The following MTUS2 variants were observed in gnomAD, a reference collection of about 807,000 sequenced individuals.
MTUS2 encodes microtubule-associated tumor suppressor candidate 2.
In MTUS2, 40 loss-of-function variants were observed where a neutral mutation model predicts 114.1. The observed-to-expected ratio is 0.35, with a 90% CI of 0.27 to 0.46. MTUS2 has a LOEUF of 0.46. Ranked by LOEUF, MTUS2 falls within the 20% of genes least tolerant of loss-of-function variation. The pLI is 1.00. For missense variants in MTUS2, 1,679 were observed against 1,705.4 expected, an observed-to-expected ratio of 0.98 and a Z score of 0.27; for synonymous variants, 688 against 672.0, an observed-to-expected ratio of 1.02 and a Z score of -0.37.
chr13:29,194,411 A>C (rs1355254608), intron 5 of MTUS2, among the ~76,000 whole-genome samples: 2 of 150,718 alleles, frequency 1.3e-5, no homozygotes, highest in African/African-American at 4.9e-5. Flanking sequence ...AAAAACAAAC[A>C]ACCCCATCAA....
chr13:28,897,127 A>G (rs1228420394), intron 2 of MTUS2, among the ~76,000 whole-genome samples: 3 of 152,190 alleles, frequency 2.0e-5, no homozygotes, highest in East Asian at 3.9e-4. Flanking sequence ...CCTGCAGAAT[A>G]GGAGAAAATT....
intron 4 of MTUS2, among the ~76,000 whole-genome samples, chr13:29,084,531 C>T (rs1397548513): frequency 6.7e-6 from 1 of 148,854 alleles, no homozygotes; most frequent in East Asian, 2.0e-4. Context: ...TCCCCTCTCC[C>T]CCCCTTCTTT....
intron 2 of MTUS2, among the ~76,000 whole-genome samples, chr13:28,910,174 C>A (rs1240329888): frequency 6.6e-6 from 1 of 152,068 alleles, no homozygotes; most frequent in Non-Finnish European, 1.5e-5. Context: ...TCCCTCCATC[C>A]CACCCGTTAC....
At chr13:29,076,969 T>G (rs1418756622) in intron 4 of MTUS2, among the ~76,000 whole-genome samples, 1 of 152,228 alleles carries the variant, frequency 6.6e-6, no homozygotes, top group Non-Finnish European at 1.5e-5. Flanking sequence ...ATGATAAGCA[T>G]TTTAGATGCA....
At chr13:29,189,388 A>AT (rs1488135899) in intron 5 of MTUS2, among the ~76,000 whole-genome samples, 1 of 152,142 alleles carries the variant, frequency 6.6e-6, no homozygotes, top group East Asian at 1.9e-4. Context: ...TCATGGAGTG[A>AT]TATGCTCCCA....
intron 6 of MTUS2, among the ~76,000 whole-genome samples, chr13:29,286,865 A>G (rs141247468): frequency 6.6e-6 from 1 of 152,050 alleles, no homozygotes; most frequent in Non-Finnish European, 1.5e-5. Flanking sequence ...TAATTTTTGT[A>G]TTTTTAGTAA....
intron 7 of MTUS2, among the ~76,000 whole-genome samples, chr13:29,347,660 C>G (rs1207092367): frequency 1.3e-5 from 2 of 152,146 alleles, no homozygotes; most frequent in Admixed American, 6.5e-5. Flanking sequence ...AAGTATAACA[C>G]TAATTACCCA....
chr13:29,503,180 G>T lies in MTUS2; in HGVS notation c.4084G>T (p.Ala1362Ser). The T allele has an allele frequency of 6.2e-7, 1 of 1,613,988 alleles. No homozygotes were observed. ...RGSSSGPSSP[A>S]RVSTTPR ...CTCCTCCTCGGGGCCCTCCTCTCCG[G>T]CCAGAGTCAGCACAACACCCAGATG... Residue 1362 changes from alanine to serine, a missense_variant, in exon 16 of 16, where the codon GCC (alanine) becomes TCC (serine). Ala to Ser is a moderately conservative substitution (Grantham distance 99). Coordinates refer to ENST00000612955, the MANE Select transcript of MTUS2 (RefSeq NM_001033602.4).
At chr13:29,275,474 AT>A (rs1299411309) in intron 5 of MTUS2, among the ~76,000 whole-genome samples, 1 of 152,078 alleles carries the variant, frequency 6.6e-6, no homozygotes, top group African/African-American at 2.4e-5. Flanking sequence ...TATTTATTCT[AT>A]TTTTTGTACC....
intron 1 of MTUS2, among the ~76,000 whole-genome samples, chr13:28,828,128 T>TGAGGG (rs1874399928): frequency 6.6e-6 from 1 of 152,148 alleles, no homozygotes; most frequent in Non-Finnish European, 1.5e-5. Context: ...AGACCTCCCC[T>TGAGGG]TGGGAATGCA....
intron 6 of MTUS2, among the ~76,000 whole-genome samples, chr13:29,283,995 G>A (rs914773129): frequency 6.6e-6 from 1 of 152,158 alleles, no homozygotes; most frequent in African/African-American, 2.4e-5. Flanking sequence ...AGAGGAAGAG[G>A]AGTTTGGCAG....
chr13:29,127,515 A>G (rs1891570986), intron 5 of MTUS2, among the ~76,000 whole-genome samples: 1 of 152,198 alleles, frequency 6.6e-6, no homozygotes, highest in African/African-American at 2.4e-5. Flanking sequence ...TTCCCTGAAG[A>G]GAAAGAAATT....
At chr13:29,308,934 C>G (rs534282170) in intron 6 of MTUS2, among the ~76,000 whole-genome samples, 7 of 135,026 alleles carry the variant, frequency 5.2e-5, no homozygotes, top group African/African-American at 1.9e-4. Context: ...GACAAAGGAG[C>G]ACTTTTGCAT....
At chr13:28,855,946 A>G (rs1446044849) in intron 2 of MTUS2, among the ~76,000 whole-genome samples, 4 of 152,024 alleles carry the variant, frequency 2.6e-5, no homozygotes, top group Admixed American at 2.6e-4. Context: ...TTGTTTCTTG[A>G]CTTTAATAAT....
At position 29,452,574 on chromosome 13, in the gene MTUS2, A is replaced by ATG. The variant is rs56367128; in HGVS notation, c.3184+12557_3184+12558dup. 7.7e-4 allele frequency among the ~76,000 whole-genome samples: 100 copies of ATG among 130,310 alleles called. 1 individual carries two copies. The highest frequency in any genetic ancestry group is 3.7e-3 in the Middle Eastern group (1 of 268). 85.5% of individuals were successfully genotyped at this position (130,310 alleles called of 152,430 possible). A position where few individuals can be genotyped will look rare whatever the true frequency, so the allele number is the denominator to read the frequency against. On this transcript the variant is annotated intron_variant, in intron 9 of 15. Transcript: ENST00000612955. ...CCCAACTGTGTATATATATATATAT[A>ATG]TGTGTGTGTGTGTGTGTGTGTGTGT...
chr13:29,022,898 A>AT (rs1462206589), intron 2 of MTUS2, among the ~76,000 whole-genome samples: 3 of 152,178 alleles, frequency 2.0e-5, no homozygotes, highest in Non-Finnish European at 4.4e-5. Flanking sequence ...TCATTTGGAC[A>AT]TTTATTCATT....
At chr13:28,970,035 C>T (rs991134201) in intron 2 of MTUS2, among the ~76,000 whole-genome samples, 1 of 152,184 alleles carries the variant, frequency 6.6e-6, no homozygotes. Flanking sequence ...CTGCCTTGGC[C>T]TCCCAAAGTG....
chr13:28,890,583 G>A (rs1024786044), intron 2 of MTUS2, among the ~76,000 whole-genome samples: 6 of 152,126 alleles, frequency 3.9e-5, no homozygotes, highest in Non-Finnish European at 7.4e-5. Flanking sequence ...CATAGTAAGT[G>A]CTCACAGAAT....
At chr13:28,978,129 T>G (rs1291844170) in intron 2 of MTUS2, among the ~76,000 whole-genome samples, 1 of 152,216 alleles carries the variant, frequency 6.6e-6, no homozygotes, top group Admixed American at 6.5e-5. Flanking sequence ...ACATGTGTTC[T>G]TTCTTTCTTT....
Sources: gnomAD v4.1 joint callset for allele counts (sites outside exome capture counted in the v4.1 genomes callset) on GRCh38, gnomAD v4.1.1 for gene constraint, MANE v1.5 for transcripts, NCBI Gene and HGNC (gene_info 2026-07-23, HGNC 2026-07-21) for gene names.